Variants in CFAP43 observed in about 807,000 individuals in gnomAD.
CFAP43 encodes cilia and flagella associated protein 43, also known as cilia- and flagella-associated protein 43.
CFAP43 carries 155 observed loss-of-function variants against 218.9 expected under a neutral mutation model. The observed-to-expected ratio is 0.71, with a 90% CI of 0.62 to 0.81. The LOEUF (loss-of-function observed/expected upper bound fraction) is 0.81. Ranked by LOEUF, CFAP43 falls within the 30% of genes least tolerant of loss-of-function variation. The probability of loss-of-function intolerance (pLI) is 0.00; values close to 1 mark genes in which losing one functional copy is unlikely to be tolerated. For synonymous variants in CFAP43, 645 were observed against 681.3 expected (o/e 0.95, Z 0.83); for missense variants, 1,778 against 1,954.3 (o/e 0.91, Z 1.70).
chr10:104,131,325 G>A lies in CFAP43; in HGVS notation c.4831+6C>T, dbSNP rs1482795730. 3.1e-6 allele frequency: 5 copies of A among 1,606,486 alleles called. No individual in the cohort carries two copies. The highest frequency in any genetic ancestry group is 3.3e-4 in the Middle Eastern group (2 of 6,040). On this transcript the variant is annotated splice_donor_region_variant and intron_variant, in intron 37 of 37. Coordinates refer to ENST00000357060, the MANE Select transcript of CFAP43 (RefSeq NM_025145.7). ...CAGTTGGTTAAAGAAAAAAAAGCAT[G>A]CTTACCCATTGCATTACAGATGTCT...
At chr10:104,172,325 A>G (rs994241872) in intron 20 of CFAP43, 85 bp downstream of exon 20, 1 of 1,511,484 alleles carries the variant, frequency 6.6e-7, no homozygotes, top group East Asian at 2.3e-5. Context: ...TCATATTCAC[A>G]TTATTATGAA....
intron 32 of CFAP43, 148 bp from the exon 33 acceptor site, chr10:104,142,541 T>G: frequency 3.7e-6 from 2 of 545,492 alleles, no homozygotes; most frequent in Non-Finnish European, 6.2e-6. Context: ...TGTCTAAAAC[T>G]TACATGGTAT....
rs545025908 is a variant in CFAP43, at chr10:104,194,068, G to T, written c.1294-54C>A. Reference sequence around the variant, plus strand: ...CTCTATTGTGCCTGCTCTCCTACACGTAAGAATGCTATTATACAGTGTACT... The same window carrying T: ...CTCTATTGTGCCTGCTCTCCTACACTTAAGAATGCTATTATACAGTGTACT... On this transcript the variant is annotated intron_variant, in intron 10 of 37. Coordinates refer to ENST00000357060, the MANE Select transcript of CFAP43 (RefSeq NM_025145.7). 1.8e-5 allele frequency: 29 copies of T among 1,590,852 alleles called. No homozygotes were observed. The East Asian group carries it at 6.5e-4, about 36-fold the overall frequency.
intron 5 of CFAP43, among the ~76,000 whole-genome samples, chr10:104,210,029 T>C (rs2090805864): frequency 6.6e-6 from 1 of 152,216 alleles, no homozygotes; most frequent in Admixed American, 6.5e-5. Flanking sequence ...AAGTCATCTC[T>C]AGGTTACTTA....
chr10:104,197,732 C>CG (rs2090418681), intron 9 of CFAP43, among the ~76,000 whole-genome samples, 190 bp downstream of exon 9: 6 of 152,112 alleles, frequency 3.9e-5, no homozygotes, highest in Admixed American at 2.6e-4. Flanking sequence ...TCATTCTAAC[C>CG]GGGGGGTAGA....
At chr10:104,136,770 C>A (rs2087473399) in intron 34 of CFAP43, among the ~76,000 whole-genome samples, 2 of 152,088 alleles carry the variant, frequency 1.3e-5, no homozygotes, top group Non-Finnish European at 2.9e-5. Context: ...TAAAAAACTC[C>A]TATAACTCAA....
chr10:104,179,621 A>G (rs1164513957), intron 18 of CFAP43, among the ~76,000 whole-genome samples: 1 of 152,174 alleles, frequency 6.6e-6, no homozygotes, highest in African/African-American at 2.4e-5. Flanking sequence ...ATGTCAGCCT[A>G]CGTACAGTTC....
At position 104,166,198 on chromosome 10, in the gene CFAP43, C is replaced by A. The variant is rs185769229; in HGVS notation, c.3039+290G>T. Among the ~76,000 whole-genome samples the A allele has an allele frequency of 3.9e-3, 591 of 152,226 alleles. 4 individuals carry two copies. The highest frequency in any genetic ancestry group is 0.031 in the Middle Eastern group (9 of 294). On this transcript the variant is annotated intron_variant, in intron 23 of 37. Transcript: ENST00000357060. ...AAGCGATTTTCCTGCCTCAGCCTCCCGAGTAGCTGGGATTACAGGCACGCA... is the reference window on the plus strand; with the variant it reads ...AAGCGATTTTCCTGCCTCAGCCTCCAGAGTAGCTGGGATTACAGGCACGCA...
chr10:104,195,694 A>T lies in CFAP43; in HGVS notation c.1293+1159T>A, dbSNP rs138453426. The stretch of plus-strand genomic sequence containing the variant: ...TAATGCAGCAAATAATATTATTTTT[A>T]AAAAAAGAAAGCATTACCGTTGTTT... On this transcript the variant is annotated intron_variant, in intron 10 of 37. Coordinates refer to ENST00000357060, the MANE Select transcript of CFAP43 (RefSeq NM_025145.7). 2.6e-3 allele frequency among the ~76,000 whole-genome samples: 389 copies of T among 152,300 alleles called. 1 individual carries two copies. The highest frequency in any genetic ancestry group is 6.8e-3 in the Middle Eastern group (2 of 294).
rs1292717541 is a variant in CFAP43, at chr10:104,224,873, T to G, written c.416+588A>C. 2.0e-5 allele frequency among the ~76,000 whole-genome samples: 3 copies of G among 152,194 alleles called. No homozygotes were observed. In the East Asian group the frequency reaches 5.8e-4, roughly 29 times the overall value. The stretch of plus-strand genomic sequence containing the variant: ...ATCCTTTAATCATTTCTGGAATATT[T>G]TGTACTTCCCCTTAATAAGAAAAAT... On this transcript the variant is annotated intron_variant, in intron 3 of 37. Transcript: ENST00000357060.
intron 35 of CFAP43, chr10:104,132,576 T>C (rs2087249253): frequency 3.4e-6 from 3 of 892,892 alleles, no homozygotes; most frequent in South Asian, 5.2e-5. Context: ...TATCACACCA[T>C]TGCACTCCAC....
rs181369331 is a variant in CFAP43, at chr10:104,133,871, A to G, written c.4432-87T>C. The G allele has an allele frequency of 3.4e-5, 42 of 1,227,630 alleles. No individual in the cohort carries two copies. In the East Asian group the frequency reaches 7.9e-4, roughly 23 times the overall value. The allele number at this position is 1,227,630 out of a possible 1,614,324, so 76.0% of individuals were successfully genotyped here. On this transcript the variant is annotated intron_variant, in intron 34 of 37. Transcript: ENST00000357060. Reference sequence around the variant, plus strand: ...TGAGGCTGAATGCTATTTTTAGAAAATACTTGGGTCACAGAGATAATTCTG... The same window carrying G: ...TGAGGCTGAATGCTATTTTTAGAAAGTACTTGGGTCACAGAGATAATTCTG...
chr10:104,145,516 G>A lies in CFAP43; in HGVS notation c.3904C>T (p.Gln1302Ter), dbSNP rs757714896. 4.4e-6 allele frequency: 7 copies of A among 1,603,648 alleles called. No homozygotes were observed. The highest frequency in any genetic ancestry group is 4.3e-6 in the Non-Finnish European group (5 of 1,172,496). ...KKEFSEIPGH[Q>*]VDILYKLFKR... ...AAAAGTTTGTAGAGTATATCCACTTGATGACCAGGAATTTCAGAAAATTCC... is the reference window on the plus strand; with the variant it reads ...AAAAGTTTGTAGAGTATATCCACTTAATGACCAGGAATTTCAGAAAATTCC... Residue 1302 changes from glutamine to a stop codon, truncating the protein, a stop_gained, in exon 31 of 38, where the codon CAA becomes TAA. Coordinates refer to ENST00000357060, the MANE Select transcript of CFAP43 (RefSeq NM_025145.7). LOFTEE classifies it high-confidence loss of function.
At chr10:104,180,445 C>CCTTTTTTT (rs2089791872) in intron 17 of CFAP43, among the ~76,000 whole-genome samples, 2 of 124,646 alleles carry the variant, frequency 1.6e-5, no homozygotes, top group South Asian at 5.3e-4. Flanking sequence ...CACCCTATTT[C>CCTTTTTTT]TTTTTTTTTT....
intron 5 of CFAP43, among the ~76,000 whole-genome samples, chr10:104,211,569 G>GCTGGCT (rs1564803489): frequency 6.6e-6 from 1 of 152,142 alleles, no homozygotes. Flanking sequence ...TCAGCAGTCA[G>GCTGGCT]CTGGCTCTGG....
At chr10:104,230,260 T>C (rs1284645988) in intron 2 of CFAP43, among the ~76,000 whole-genome samples, 1 of 150,702 alleles carries the variant, frequency 6.6e-6, no homozygotes, top group Non-Finnish European at 1.5e-5. Flanking sequence ...AGGTCAGGAG[T>C]TGGAGAACAG....
chr10:104,204,350 G>C (rs2090620224), intron 7 of CFAP43, among the ~76,000 whole-genome samples: 1 of 152,106 alleles, frequency 6.6e-6, no homozygotes, highest in Non-Finnish European at 1.5e-5. Flanking sequence ...GTTGTGAATA[G>C]ATTTAGGTTA....
At chr10:104,147,371 A>G (rs758590177) in intron 29 of CFAP43, among the ~76,000 whole-genome samples, 2 of 152,074 alleles carry the variant, frequency 1.3e-5, no homozygotes, top group Non-Finnish European at 2.9e-5. Context: ...TTGTAGAAAC[A>G]TTATGTGATA....
At position 104,197,953 on chromosome 10, in the gene CFAP43, T is replaced by G; in HGVS notation, c.1181A>C (p.Asp394Ala). The change falls in exon 9 of 38, where the codon GAC becomes GCC. Residue 394 changes from aspartate (D) to alanine (A), a missense_variant. By Grantham distance (126) the Asp-to-Ala change is moderately radical. This residue lies in a region of CFAP43 where 1,553 missense variants were observed against 1,685.2 expected (regional missense o/e 0.92). Coordinates refer to ENST00000357060, the MANE Select transcript of CFAP43 (RefSeq NM_025145.7). Reference protein sequence around the residue: ...DACDGKFQAIDFITPGTQYFM... With the variant: ...DACDGKFQAIAFITPGTQYFM... ...GTATTGGGTTCCAGGTGTGATAAAG[T>G]CAATTGCCTGAAATTTCCCATCACA... The G allele has an allele frequency of 6.2e-7, 1 of 1,613,622 alleles. No homozygotes were observed. The highest frequency in any genetic ancestry group is 1.1e-5 in the South Asian group (1 of 91,050).
Sources: allele counts gnomAD v4.1 joint callset (sites outside exome capture counted in the v4.1 genomes callset), GRCh38; gene constraint gnomAD v4.1.1; regional missense constraint gnomAD v4.1.1; transcripts MANE v1.5; gene names NCBI Gene and HGNC (gene_info 2026-07-23, HGNC 2026-07-21).